Variants in IL7 observed in about 807,000 individuals in gnomAD.
IL7 encodes the protein interleukin-7.
In IL7, 3 loss-of-function variants were observed where a neutral mutation model predicts 21.6. That is an observed-to-expected ratio of 0.14 (90% CI 0.06 to 0.36). The LOEUF is 0.36. IL7 is among the 10% of genes least tolerant of loss of function. IL7 has a pLI of 1.00. For missense variants in IL7, 175 were observed against 200.2 expected, an observed-to-expected ratio of 0.87 and a Z score of 0.76; for synonymous variants, 62 against 68.1, an observed-to-expected ratio of 0.91 and a Z score of 0.44.
chr8:78,771,359 T>TAAAC (rs1297279315), intron 2 of IL7, among the ~76,000 whole-genome samples: 1 of 152,092 alleles, frequency 6.6e-6, no homozygotes, highest in Non-Finnish European at 1.5e-5. Context: ...CTTGCTCAAT[T>TAAAC]AAACAAGGTC....
chr8:78,767,482 A>G (rs1055822975), intron 2 of IL7, among the ~76,000 whole-genome samples: 1 of 151,916 alleles, frequency 6.6e-6, no homozygotes, highest in Non-Finnish European at 1.5e-5. Context: ...GTGTTTTCCA[A>G]TAATTATTAA....
chr8:78,694,292 T>A (rs1810324706), intron 3 of IL7, among the ~76,000 whole-genome samples: 1 of 151,200 alleles, frequency 6.6e-6, no homozygotes, highest in Admixed American at 6.6e-5. Context: ...CCTTGTTTTT[T>A]TTTTTTTCTC....
chr8:78,718,704 C>T (rs1811178056), intron 6 of IL7: 1 of 151,728 alleles, frequency 6.6e-6, no homozygotes, highest in South Asian at 2.1e-4. Flanking sequence ...TCTCTTTAAC[C>T]TGATCACGAC....
chr8:78,694,103 G>T (rs755517195), intron 3 of IL7, among the ~76,000 whole-genome samples: 1 of 151,934 alleles, frequency 6.6e-6, no homozygotes, highest in Non-Finnish European at 1.5e-5. Flanking sequence ...TCTCTGTTTT[G>T]TGTTTTTAAT....
chr8:78,751,966 T>G (rs1285355484), intron 2 of IL7, among the ~76,000 whole-genome samples: 2 of 152,200 alleles, frequency 1.3e-5, no homozygotes, highest in Non-Finnish European at 2.9e-5. Flanking sequence ...TTTTATTCTC[T>G]ACTTCCATGA....
chr8:78,770,565 G>A (rs757290376), intron 2 of IL7, among the ~76,000 whole-genome samples: 7 of 151,738 alleles, frequency 4.6e-5, no homozygotes, highest in Admixed American at 3.3e-4. Flanking sequence ...TGTTTTGATG[G>A]GCTATTTTCT....
chr8:78,688,628 G>A (rs1810103624), intron 3 of IL7, among the ~76,000 whole-genome samples: 1 of 152,000 alleles, frequency 6.6e-6, no homozygotes, highest in Admixed American at 6.6e-5. Context: ...AGTATGCTTT[G>A]CATTTTGGGA....
At chr8:78,724,423 TA>T (rs1314246821) in intron 3 of IL7, among the ~76,000 whole-genome samples, 3 of 151,934 alleles carry the variant, frequency 2.0e-5, no homozygotes, top group Non-Finnish European at 4.4e-5. Flanking sequence ...CTTAATTTTT[TA>T]AAAAAGTTTT....
chr8:78,748,897 G>C (rs1563419238), intron 2 of IL7, among the ~76,000 whole-genome samples: 1 of 152,076 alleles, frequency 6.6e-6, no homozygotes, highest in African/African-American at 2.4e-5. Flanking sequence ...ATAGATGATG[G>C]AAAATAAAAT....
intron 3 of IL7, among the ~76,000 whole-genome samples, chr8:78,704,311 C>T (rs1810700151): frequency 1.3e-5 from 2 of 150,672 alleles, no homozygotes; most frequent in Middle Eastern, 3.2e-3. Flanking sequence ...TTGCTCGAAC[C>T]CAGGAGGCAG....
chr8:78,717,186 T>A (rs920347565), downstream of IL7: 3 of 698,248 alleles, frequency 4.3e-6, no homozygotes, highest in African/African-American at 1.8e-5. Context: ...CTAACAAGGA[T>A]TTTTTAAAAT....
chr8:78,801,322 C>T (rs1430382273), intron 1 of IL7, among the ~76,000 whole-genome samples: 1 of 152,158 alleles, frequency 6.6e-6, no homozygotes, highest in Non-Finnish European at 1.5e-5. Context: ...TTTGTCTATG[C>T]CATTTCTTTT....
At chr8:78,764,275 A>T (rs917819577) in intron 2 of IL7, among the ~76,000 whole-genome samples, 3 of 151,072 alleles carry the variant, frequency 2.0e-5, no homozygotes, top group Admixed American at 6.6e-5. Context: ...TCCTGATAAT[A>T]AAAAAAAAGC....
chr8:78,731,955 ACT>A (rs1265992487), downstream of IL7, among the ~76,000 whole-genome samples: 2 of 152,140 alleles, frequency 1.3e-5, no homozygotes, highest in Non-Finnish European at 2.9e-5. Context: ...TTTTTTTAAC[ACT>A]GTTAGGGAAC....
chr8:78,786,880 G>A (rs1033534672), intron 2 of IL7, among the ~76,000 whole-genome samples: 10 of 152,088 alleles, frequency 6.6e-5, no homozygotes, highest in South Asian at 4.2e-4. Context: ...TGGGACTTTC[G>A]GCCCCATCCC....
intron 4 of IL7, 77 bp downstream of exon 4, chr8:78,738,427 T>C: frequency 8.6e-7 from 1 of 1,166,844 alleles, no homozygotes; most frequent in Non-Finnish European, 1.2e-6. Context: ...ATAATGGATG[T>C]GATCATCAGA....
intron 3 of IL7, among the ~76,000 whole-genome samples, chr8:78,687,332 A>T (rs953111671): frequency 8.6e-5 from 13 of 151,542 alleles, no homozygotes; most frequent in African/African-American, 3.1e-4. Flanking sequence ...GCAAATCTAG[A>T]TATGATCGTT....
chr8:78,751,690 G>C (rs367554542), intron 2 of IL7, among the ~76,000 whole-genome samples: 1 of 152,056 alleles, frequency 6.6e-6, no homozygotes, highest in African/African-American at 2.4e-5. Flanking sequence ...TTCCATATGT[G>C]ATATACAATG....
chr8:78,707,653 A>G (rs146002714), intron 3 of IL7, among the ~76,000 whole-genome samples: 2 of 152,312 alleles, frequency 1.3e-5, no homozygotes, highest in East Asian at 3.9e-4. Flanking sequence ...TATAACTGTC[A>G]ATCATACCTG....
Sources: allele counts gnomAD v4.1 joint callset (sites outside exome capture counted in the v4.1 genomes callset), GRCh38; gene constraint gnomAD v4.1.1; transcripts MANE v1.5; gene names NCBI Gene and HGNC (gene_info 2026-07-23, HGNC 2026-07-21).